PTPRD: variants seen among roughly 807,000 people sequenced by gnomAD.
The protein encoded by PTPRD is receptor-type tyrosine-protein phosphatase delta.
PTPRD carries 34 observed loss-of-function variants against 214.5 expected under a neutral mutation model. That is an observed-to-expected ratio of 0.16 (90% CI 0.12 to 0.21). The LOEUF (loss-of-function observed/expected upper bound fraction) is 0.21. Ranked by LOEUF, PTPRD falls within the 10% of genes least tolerant of loss-of-function variation. The probability of loss-of-function intolerance (pLI) is 1.00; values close to 1 mark genes in which losing one functional copy is unlikely to be tolerated. For missense variants in PTPRD, 2,545 were observed against 2,398.7 expected, an observed-to-expected ratio of 1.06 and a Z score of -1.27; for synonymous variants, 1,128 against 845.7, an observed-to-expected ratio of 1.33 and a Z score of -5.79.
At chr9:8,365,620 T>A (rs936965421) in intron 39 of PTPRD, among the ~76,000 whole-genome samples, 1 of 151,826 alleles carries the variant, frequency 6.6e-6, no homozygotes, top group Non-Finnish European at 1.5e-5. Context: ...CACTCAGAGG[T>A]AGAATAAATG....
At chr9:8,335,795 C>T (rs1404962780) in intron 43 of PTPRD, among the ~76,000 whole-genome samples, 2 of 152,168 alleles carry the variant, frequency 1.3e-5, no homozygotes, top group Non-Finnish European at 2.9e-5. Flanking sequence ...AGCAAAATCT[C>T]AGGATAAAGA....
chr9:8,677,001 A>C (rs1378998394), intron 12 of PTPRD, among the ~76,000 whole-genome samples: 1 of 152,248 alleles, frequency 6.6e-6, no homozygotes, highest in Non-Finnish European at 1.5e-5. Context: ...TAAGGAAATT[A>C]ATCGTTTCAT....
chr9:10,231,989 A>AGAGAGAGTGTGTGTGTGTGT (rs1245284728), intron 3 of PTPRD, among the ~76,000 whole-genome samples: 9 of 92,432 alleles, frequency 9.7e-5, no homozygotes, highest in African/African-American at 3.2e-4. Flanking sequence ...AGAGAGAGAG[A>AGAGAGAGTGTGTGTGTGTGT]GTGTGTGTGT....
At chr9:8,919,556 G>A (rs1023571532) in intron 11 of PTPRD, among the ~76,000 whole-genome samples, 4 of 151,936 alleles carry the variant, frequency 2.6e-5, no homozygotes, top group Non-Finnish European at 4.4e-5. Context: ...GATTAATGAG[G>A]GCATTGTGTG....
At chr9:8,679,481 G>A (rs1352600117) in intron 12 of PTPRD, among the ~76,000 whole-genome samples, 7 of 152,092 alleles carry the variant, frequency 4.6e-5, no homozygotes, top group Admixed American at 4.6e-4. Context: ...CACCACTTGC[G>A]GGTATCTATG....
intron 10 of PTPRD, among the ~76,000 whole-genome samples, chr9:9,112,800 A>T (rs2099807910): frequency 6.6e-6 from 1 of 152,174 alleles, no homozygotes; most frequent in Non-Finnish European, 1.5e-5. Flanking sequence ...GAGATAACAT[A>T]AAAGCAGATA....
At chr9:10,223,213 C>G (rs964384135) in intron 3 of PTPRD, among the ~76,000 whole-genome samples, 1 of 151,900 alleles carries the variant, frequency 6.6e-6, no homozygotes, top group Non-Finnish European at 1.5e-5. Flanking sequence ...ACCCTCTCCC[C>G]CTTCTCCCCT....
At chr9:8,449,701 G>A (rs2095862603) in intron 34 of PTPRD, 24 bp downstream of exon 34, 3 of 1,597,372 alleles carry the variant, frequency 1.9e-6, no homozygotes, top group South Asian at 1.1e-5. Flanking sequence ...ACTGTGTGTG[G>A]ATTAGATGTG....
chr9:9,330,077 C>G lies in PTPRD; in HGVS notation c.-203+67372G>C, dbSNP rs551572734. Among the ~76,000 whole-genome samples the G allele has an allele frequency of 9.2e-5, 14 of 152,128 alleles. No homozygotes were observed. In the East Asian group the frequency reaches 2.5e-3, roughly 27 times the overall value. ...GGGTTTACGTAGAGAAACATAATGC[C>G]CTTTAGCCATGGTGTCATGTTATCA... is the stretch of plus-strand genomic sequence containing the variant. On this transcript the variant is annotated intron_variant, in intron 9 of 45. Transcript: ENST00000381196.
chr9:9,959,573 AT>A (rs1324624967), intron 4 of PTPRD, among the ~76,000 whole-genome samples: 1 of 152,182 alleles, frequency 6.6e-6, no homozygotes, highest in African/African-American at 2.4e-5. Context: ...CGACAAATAT[AT>A]GAAAAACCTC....
chr9:9,434,947 A>G (rs1042616651), intron 8 of PTPRD, among the ~76,000 whole-genome samples: 2 of 150,602 alleles, frequency 1.3e-5, no homozygotes, highest in Non-Finnish European at 3.0e-5. Flanking sequence ...TTAGACTTTG[A>G]TAATAATACC....
At chr9:9,336,148 G>T (rs148647040) in intron 9 of PTPRD, among the ~76,000 whole-genome samples, 3 of 149,530 alleles carry the variant, frequency 2.0e-5, no homozygotes, top group African/African-American at 7.7e-5. Flanking sequence ...CTTTGTAACC[G>T]CCTCATAAGA....
intron 2 of PTPRD, among the ~76,000 whole-genome samples, chr9:10,466,413 C>T (rs1184749993): frequency 1.3e-5 from 2 of 151,824 alleles, no homozygotes; most frequent in African/African-American, 2.4e-5. Flanking sequence ...CACCTGAAGT[C>T]GGGAGTTCGA....
intron 10 of PTPRD, among the ~76,000 whole-genome samples, chr9:9,162,135 A>G (rs1016188140): frequency 2.6e-5 from 4 of 152,130 alleles, no homozygotes; most frequent in Admixed American, 6.5e-5. Flanking sequence ...TTGTGCCTAG[A>G]AAATTCCTCA....
At chr9:8,775,950 A>G (rs1241144415) in intron 11 of PTPRD, among the ~76,000 whole-genome samples, 1 of 152,252 alleles carries the variant, frequency 6.6e-6, no homozygotes, top group East Asian at 1.9e-4. Context: ...GGCCAGTCCT[A>G]ACTCCTAGCA....
chr9:8,918,483 T>C (rs2098802776), intron 11 of PTPRD, among the ~76,000 whole-genome samples: 1 of 152,142 alleles, frequency 6.6e-6, no homozygotes, highest in African/African-American at 2.4e-5. Flanking sequence ...AACATCAGCA[T>C]TTAAATGATA....
chr9:10,516,798 T>C lies in PTPRD; in HGVS notation c.-600+95600A>G, dbSNP rs140583584. Among the ~76,000 whole-genome samples the C allele has an allele frequency of 1.4e-4, 22 of 152,122 alleles. No homozygotes were observed. The South Asian group carries it at 3.5e-3, about 24-fold the overall frequency. ...TTTTATTATTTTGCATTTGAATATC[T>C]AGTTTTCCCAGCACCATTTGCTGAA... On this transcript the variant is annotated intron_variant, in intron 2 of 45. Coordinates refer to ENST00000381196, the MANE Select transcript of PTPRD (RefSeq NM_002839.4).
chr9:9,549,246 A>T (rs2079592233), intron 8 of PTPRD, among the ~76,000 whole-genome samples: 1 of 152,112 alleles, frequency 6.6e-6, no homozygotes, highest in Admixed American at 6.6e-5. Flanking sequence ...TTATACATAT[A>T]TATGTGTATA....
At chr9:9,436,926 G>A (rs1246920672) in intron 8 of PTPRD, among the ~76,000 whole-genome samples, 1 of 150,902 alleles carries the variant, frequency 6.6e-6, no homozygotes, top group Non-Finnish European at 1.5e-5. Context: ...CTGAACCCAT[G>A]GCAATAGTAT....
Sources: gnomAD v4.1 joint callset for allele counts (sites outside exome capture counted in the v4.1 genomes callset) on GRCh38, gnomAD v4.1.1 for gene constraint, MANE v1.5 for transcripts, NCBI Gene and HGNC (gene_info 2026-07-23, HGNC 2026-07-21) for gene names.